PHF6: variants seen among roughly 807,000 people sequenced by gnomAD.
The protein encoded by PHF6 is PHD-like zinc finger protein.
In PHF6, 7 loss-of-function variants were observed where a neutral mutation model predicts 34.0. The ratio of observed to expected loss-of-function variants is 0.21; its 90% CI spans 0.12 to 0.39. PHF6 has a LOEUF of 0.39. Among genes scored for constraint, PHF6 ranks in the 10% least tolerant of loss-of-function variants. PHF6 has a pLI of 1.00. For synonymous variants in PHF6, 89 were observed against 88.4 expected (o/e 1.01, Z -0.04); for missense variants, 128 against 262.8 (o/e 0.49, Z 3.55).
intron 5 of PHF6, among the ~76,000 whole-genome samples, chrX:134,406,848 A>G (rs1257097695): frequency 1.8e-5 from 2 of 112,221 alleles, no homozygotes. Flanking sequence ...ACATTGTACA[A>G]AAATCAGGCT....
intron 1 of PHF6, among the ~76,000 whole-genome samples, chrX:134,374,564 G>T (rs1473958079): frequency 8.9e-6 from 1 of 112,281 alleles, no homozygotes; most frequent in Non-Finnish European, 1.9e-5. Flanking sequence ...CTTTCGCGTG[G>T]AATGTTTTAA....
At chrX:134,418,572 C>CA (rs1351260553) in intron 9 of PHF6, 2 of 111,641 alleles carry the variant, frequency 1.8e-5, no homozygotes, top group Non-Finnish European at 3.8e-5. Context: ...CACAAGCAGT[C>CA]ACCAAGTCAT....
intron 10 of PHF6, 24 bp downstream of exon 10, chrX:134,425,354 T>C (rs765263663): frequency 8.3e-7 from 1 of 1,205,127 alleles, no homozygotes; most frequent in Non-Finnish European, 1.1e-6. Flanking sequence ...TTATATGGGA[T>C]CTGTTGTCAG....
chrX:134,403,132 T>A (rs2077409373), intron 5 of PHF6, among the ~76,000 whole-genome samples: 1 of 112,177 alleles, frequency 8.9e-6, no homozygotes, highest in African/African-American at 3.2e-5. Flanking sequence ...AAAGCTGAAA[T>A]TATTAAGCTT....
At chrX:134,394,063 C>A in intron 5 of PHF6, 111 bp downstream of exon 5, 1 of 695,467 alleles carries the variant, frequency 1.4e-6, no homozygotes, top group Non-Finnish European at 2.3e-6. Context: ...TCTCAACATT[C>A]AGTACATTTA....
intron 3 of PHF6, among the ~76,000 whole-genome samples, chrX:134,392,801 AT>A (rs749412474): frequency 0.047 from 4,585 of 97,221 alleles, 254 homozygotes; most frequent in African/African-American, 0.15. Flanking sequence ...AATTAAGTGG[AT>A]TTTTTTTTTT....
intron 3 of PHF6, among the ~76,000 whole-genome samples, chrX:134,390,966 C>CTTTTTTTTTTTTTTTTTT (rs60513999): frequency 1.1e-5 from 1 of 92,822 alleles, no homozygotes; most frequent in African/African-American, 3.9e-5. Flanking sequence ...TTCTTTTTTT[C>CTTTTTTTTTTTTTTTTTT]TTTTTTTTTT....
chrX:134,408,130 G>A (rs1469666326), intron 5 of PHF6, among the ~76,000 whole-genome samples: 2 of 111,562 alleles, frequency 1.8e-5, no homozygotes, highest in Non-Finnish European at 3.8e-5. Context: ...GTTTCACCAT[G>A]TTGGTCAGGC....
intron 8 of PHF6, among the ~76,000 whole-genome samples, chrX:134,416,899 A>T (rs1347748177): frequency 8.9e-6 from 1 of 111,910 alleles, no homozygotes. Flanking sequence ...CTTTTTGTGT[A>T]TTTGGCAGCA....
rs1354997481 is a variant in PHF6, at chrX:134,426,988, G to A, written c.*1328G>A. The A allele has an allele frequency of 6.1e-6, 1 of 163,292 alleles. No individual in the cohort carries two copies. The highest frequency in any genetic ancestry group is 1.2e-5 in the Non-Finnish European group (1 of 84,401). The allele number at this position is 163,292 out of a possible 1,213,427, so 13.5% of individuals were successfully genotyped here. On this transcript the variant is annotated 3_prime_UTR_variant, in exon 11 of 11. Transcript: ENST00000370803. ...AATAATGTTAACTTGACTGTACATT[G>A]AGATATTCTGCAGCTGATAGAGCAG...
At chrX:134,409,954 T>C (rs1248521767) in intron 5 of PHF6, among the ~76,000 whole-genome samples, 3 of 111,537 alleles carry the variant, frequency 2.7e-5, no homozygotes, top group Non-Finnish European at 5.6e-5. Context: ...ACAAAGGACA[T>C]GATTTCATTC....
At chrX:134,419,941 G>A (rs961698810) in intron 9 of PHF6, 2 of 112,128 alleles carry the variant, frequency 1.8e-5, no homozygotes, top group Non-Finnish European at 3.8e-5. Context: ...ACACTTGGGA[G>A]GCCAAAGCGA....
intron 3 of PHF6, among the ~76,000 whole-genome samples, chrX:134,382,566 C>CTT (rs377670545): frequency 0.12 from 9,871 of 84,536 alleles, 619 homozygotes; most frequent in East Asian, 0.2. Flanking sequence ...AGCTATTCTT[C>CTT]TTTTTTTTTT....
chrX:134,402,966 T>C (rs1284723853), intron 5 of PHF6, among the ~76,000 whole-genome samples: 2 of 112,022 alleles, frequency 1.8e-5, no homozygotes, highest in African/African-American at 3.2e-5. Flanking sequence ...TTCTGGCTGC[T>C]TCCCCAACCA....
intron 9 of PHF6, chrX:134,420,170 C>G (rs1255569823): frequency 9.1e-6 from 1 of 109,585 alleles, no homozygotes; most frequent in Non-Finnish European, 1.9e-5. Flanking sequence ...AAAAGAAGGC[C>G]GGGCGCAGTG....
intron 5 of PHF6, among the ~76,000 whole-genome samples, chrX:134,402,222 C>T (rs1040392874): frequency 1.1e-4 from 12 of 112,273 alleles, no homozygotes; most frequent in African/African-American, 3.6e-4. Flanking sequence ...TCTCCATCTC[C>T]TGACCTCGTG....
intron 5 of PHF6, among the ~76,000 whole-genome samples, chrX:134,410,718 G>A (rs1054335636): frequency 9.3e-6 from 1 of 107,208 alleles, no homozygotes; most frequent in Non-Finnish European, 1.9e-5. Flanking sequence ...CATGATCTCG[G>A]CTTACTGCAA....
At chrX:134,387,429 A>G (rs2077336699) in intron 3 of PHF6, among the ~76,000 whole-genome samples, 1 of 111,316 alleles carries the variant, frequency 9.0e-6, no homozygotes, top group African/African-American at 3.3e-5. Context: ...CTGTCTTGGT[A>G]CTTATTTGAG....
chrX:134,384,448 GTCTAC>G (rs2077321148), intron 3 of PHF6, among the ~76,000 whole-genome samples: 2 of 110,558 alleles, frequency 1.8e-5, no homozygotes, highest in African/African-American at 3.3e-5. Flanking sequence ...CAGCATATTT[GTCTAC>G]TCTACATAGA....
Sources: allele counts gnomAD v4.1 joint callset (sites outside exome capture counted in the v4.1 genomes callset), GRCh38; gene constraint gnomAD v4.1.1; transcripts MANE v1.5; gene names NCBI Gene and HGNC (gene_info 2026-07-23, HGNC 2026-07-21).